Variants in DDX19A observed in about 807,000 individuals in gnomAD.
DDX19A encodes the protein ATP-dependent RNA helicase DDX19A.
In DDX19A, 12 loss-of-function variants were observed where a neutral mutation model predicts 60.6. The observed-to-expected ratio is 0.20, with a 90% CI of 0.13 to 0.32. The LOEUF is 0.32. Ranked by LOEUF, DDX19A falls within the 10% of genes least tolerant of loss-of-function variation. The pLI is 1.00. For synonymous variants in DDX19A, 206 were observed against 218.2 expected, an observed-to-expected ratio of 0.94 and a Z score of 0.49; for missense variants, 337 against 600.6, an observed-to-expected ratio of 0.56 and a Z score of 4.59.
chr16:70,368,721 T>C (rs781341640), intron 9 of DDX19A, among the ~76,000 whole-genome samples: 1 of 152,090 alleles, frequency 6.6e-6, no homozygotes, highest in Non-Finnish European at 1.5e-5. Flanking sequence ...TCATCTTTAT[T>C]GCTTTTTGTT....
At chr16:70,362,090 G>T (rs962340920) in intron 5 of DDX19A, among the ~76,000 whole-genome samples, 80 of 151,828 alleles carry the variant, frequency 5.3e-4, no homozygotes, top group Non-Finnish European at 9.3e-4. Context: ...CAGGAGAATT[G>T]CTTGAACCCG....
chr16:70,371,824 G>T lies in DDX19A; in HGVS notation c.1376-101G>T, dbSNP rs917820361. Reference sequence around the variant, plus strand: ...GTGACTAGGGGCCCTGCTGCCCCCTGCTTAGGCACCCGGAGCCTTTGGGCC... The same window carrying T: ...GTGACTAGGGGCCCTGCTGCCCCCTTCTTAGGCACCCGGAGCCTTTGGGCC... On this transcript the variant is annotated intron_variant, in intron 11 of 11. Transcript: ENST00000302243. 5.7e-6 allele frequency: 9 copies of T among 1,573,824 alleles called. No individual in the cohort carries two copies. In the African/African-American group the frequency reaches 9.5e-5, roughly 17 times the overall value.
At chr16:70,353,549 T>C (rs1002530429) in intron 2 of DDX19A, among the ~76,000 whole-genome samples, 32 of 151,912 alleles carry the variant, frequency 2.1e-4, no homozygotes, top group African/African-American at 7.7e-4. Context: ...TTCTAAAAGT[T>C]TGACTATTAA....
At chr16:70,370,432 A>G (rs751152179) in intron 10 of DDX19A, 47 bp downstream of exon 10, 8 of 1,584,888 alleles carry the variant, frequency 5.0e-6, no homozygotes, top group Non-Finnish European at 6.9e-6. Flanking sequence ...TCGGGGTCCC[A>G]GGCCCAATTA....
At chr16:70,347,150 G>A in intron 1 of DDX19A, 102 bp downstream of exon 1, 1 of 1,168,488 alleles carries the variant, frequency 8.6e-7, no homozygotes, top group East Asian at 2.5e-5. Context: ...CCTGGGCAAC[G>A]CGCTCCTGCA....
chr16:70,360,805 G>A (rs1748750350), intron 4 of DDX19A: 1 of 152,780 alleles, frequency 6.5e-6, no homozygotes, highest in Non-Finnish European at 1.5e-5. Context: ...TGGTTGGAGT[G>A]CAGTGGCTCA....
At chr16:70,369,395 G>T (rs902663095) in intron 9 of DDX19A, among the ~76,000 whole-genome samples, 4 of 147,928 alleles carry the variant, frequency 2.7e-5, no homozygotes, top group Non-Finnish European at 6.0e-5. Context: ...GGTCAGGCTT[G>T]TGTTGAACTC....
At chr16:70,355,368 C>T (rs1217999511) in intron 2 of DDX19A, 117 bp from the exon 3 acceptor site, 5 of 810,822 alleles carry the variant, frequency 6.2e-6, no homozygotes, top group East Asian at 2.9e-5. Context: ...AAGAGGAAAA[C>T]TCCGTCTGAA....
In DDX19A at chr16:70,361,435, A is replaced by G. The variant is rs1331980748; in HGVS notation, c.311A>G (p.Gln104Arg). 3 of 1,613,826 alleles carry G rather than the reference A, an allele frequency of 1.9e-6. No individual in the cohort carries two copies. The highest frequency in any genetic ancestry group is 2.2e-5 in the East Asian group (1 of 44,880). The change falls in exon 5 of 12, where the codon CAG (glutamine) becomes CGG (arginine). Residue 104 changes from glutamine (Q) to arginine (R), a missense_variant. Gln to Arg is a conservative substitution (Grantham distance 43). This residue lies in a region of DDX19A where 127 missense variants were observed against 160.3 expected (regional missense o/e 0.79). Coordinates refer to ENST00000302243, the MANE Select transcript of DDX19A (RefSeq NM_018332.5). Reference protein sequence around the residue: ...EELRLKPQLLQGVYAMGFNRP... With the variant: ...EELRLKPQLLRGVYAMGFNRP... ...CTTCCTAGGAAACCACAGCTTCTCC[A>G]GGGAGTCTATGCCATGGGCTTCAAT... is the stretch of plus-strand genomic sequence containing the variant.
chr16:70,370,729 C>G (rs1312106229), intron 10 of DDX19A: 2 of 214,362 alleles, frequency 9.3e-6, no homozygotes, highest in Admixed American at 1.0e-4. Flanking sequence ...GGCCCAGTGG[C>G]TCACGCCTGT....
intron 4 of DDX19A, among the ~76,000 whole-genome samples, chr16:70,360,321 C>CTTT (rs1555552998): frequency 2.2e-5 from 3 of 133,490 alleles, no homozygotes; most frequent in Non-Finnish European, 4.9e-5. Flanking sequence ...TTCTTTCTTT[C>CTTT]TTTTTTTTTT....
At chr16:70,369,856 G>C (rs1964631518) in intron 9 of DDX19A, among the ~76,000 whole-genome samples, 1 of 151,588 alleles carries the variant, frequency 6.6e-6, no homozygotes, top group South Asian at 2.1e-4. Context: ...AGCGATCCAC[G>C]TGCCTCGTCC....
Position 70,355,476 on chromosome 16 carries a change from C to T in DDX19A, c.107-9C>T. ...CCTTTCTAATTATGACAATTGTTTT[C>T]TTGTGTAGGTATTATCAAAACCAGT... On this transcript the variant is annotated splice_polypyrimidine_tract_variant and intron_variant, in intron 2 of 11. Coordinates refer to ENST00000302243, the MANE Select transcript of DDX19A (RefSeq NM_018332.5). The T allele has an allele frequency of 6.2e-7, 1 of 1,610,160 alleles. No homozygotes were observed. Among genetic ancestry groups the T allele is most frequent in the Non-Finnish European group, 8.5e-7 (1 of 1,176,596 alleles).
intron 4 of DDX19A, among the ~76,000 whole-genome samples, chr16:70,357,275 AT>A: frequency 8.7e-6 from 1 of 114,314 alleles, no homozygotes. Context: ...AAAAAAATAT[AT>A]ATATATATAT....
chr16:70,367,321 G>C (rs1029819268), intron 9 of DDX19A, among the ~76,000 whole-genome samples: 1 of 151,818 alleles, frequency 6.6e-6, no homozygotes, highest in Non-Finnish European at 1.5e-5. Flanking sequence ...CCAGCTACTC[G>C]GGAGGCTGAG....
intron 9 of DDX19A, among the ~76,000 whole-genome samples, chr16:70,368,577 AAT>A (rs1480766542): frequency 6.6e-6 from 1 of 151,004 alleles, no homozygotes; most frequent in Non-Finnish European, 1.5e-5. Context: ...GACGCCAAAA[AAT>A]ACTCTTTTTT....
At chr16:70,355,464 G>A in intron 2 of DDX19A, 21 bp from the exon 3 acceptor site, 1 of 1,597,320 alleles carries the variant, frequency 6.3e-7, no homozygotes, top group Non-Finnish European at 8.6e-7. Context: ...TTCTAATTAT[G>A]ACAATTGTTT....
chr16:70,358,259 G>GGCCTCAAGCGATCTGCCC (rs1306620780), intron 4 of DDX19A, among the ~76,000 whole-genome samples: 1 of 151,982 alleles, frequency 6.6e-6, no homozygotes, highest in Non-Finnish European at 1.5e-5. Flanking sequence ...TCAAACTCCT[G>GGCCTCAAGCGATCTGCCC]GCCTCAAGCG....
intron 10 of DDX19A, chr16:70,371,040 A>G (rs1964669423): frequency 4.5e-6 from 2 of 446,032 alleles, no homozygotes; most frequent in Admixed American, 3.9e-5. Flanking sequence ...CGCAGAAACC[A>G]GTAGTCCTGA....
Sources: gnomAD v4.1 joint callset for allele counts (sites outside exome capture counted in the v4.1 genomes callset) on GRCh38, gnomAD v4.1.1 for gene constraint, gnomAD v4.1.1 regional missense constraint, MANE v1.5 for transcripts, NCBI Gene and HGNC (gene_info 2026-07-23, HGNC 2026-07-21) for gene names.